Variants in DTWD2 observed in about 807,000 individuals in gnomAD.
DTWD2 encodes tRNA-uridine aminocarboxypropyltransferase 2.
A neutral mutation model predicts 31.8 loss-of-function variants in DTWD2; 39 were observed. The observed-to-expected ratio is 1.22, with a 90% confidence interval of 0.95 to 1.60. The LOEUF is 1.60. DTWD2 is among the 40% of genes most tolerant of loss of function. The pLI, the probability that DTWD2 is intolerant of heterozygous loss-of-function variation, is 0.00. For synonymous variants in DTWD2, 180 were observed against 142.8 expected, an observed-to-expected ratio of 1.26 and a Z score of -1.86; for missense variants, 515 against 381.5, an observed-to-expected ratio of 1.35 and a Z score of -2.92.
chr5:118,973,160 G>T (rs903729555), intron 1 of DTWD2, among the ~76,000 whole-genome samples: 2 of 150,666 alleles, frequency 1.3e-5, no homozygotes, highest in Admixed American at 6.6e-5. Context: ...TTGCACGTGA[G>T]ATGGGTCTTC....
chr5:118,931,312 T>C (rs576941894), intron 3 of DTWD2, among the ~76,000 whole-genome samples: 1 of 151,538 alleles, frequency 6.6e-6, no homozygotes, highest in Admixed American at 6.6e-5. Context: ...GGAGAATCGC[T>C]TGAGCCTGGG....
At position 118,848,189 on chromosome 5, in the gene DTWD2, C is replaced by G; in HGVS notation, c.627G>C (p.Gln209His). 2 of 1,605,872 alleles carry G rather than the reference C, an allele frequency of 1.2e-6. No individual in the cohort carries two copies. Among genetic ancestry groups the G allele is most frequent in the Non-Finnish European group, 1.7e-6 (2 of 1,176,510 alleles). The change falls in exon 5 of 6, where the codon CAG becomes CAC. Residue 209 changes from glutamine to histidine, a missense_variant. By Grantham distance (24) the Gln-to-His change is conservative (BLOSUM62 0). Transcript: ENST00000510708. ...TAGTCGGCTGCATCCGAATTACATA[C>G]TGACTAGAAATGCTAGTTTTTAATT... ...QVQLKTSISS[Q>H]YVIRMQPTNR...
intron 5 of DTWD2, among the ~76,000 whole-genome samples, chr5:118,845,870 G>C (rs1751840687): frequency 6.6e-6 from 1 of 152,014 alleles, no homozygotes; most frequent in Non-Finnish European, 1.5e-5. Flanking sequence ...TTGTTTTTAA[G>C]ATATCACATC....
At chr5:118,911,855 C>A (rs1219305749) in intron 4 of DTWD2, among the ~76,000 whole-genome samples, 1 of 152,170 alleles carries the variant, frequency 6.6e-6, no homozygotes, top group East Asian at 1.9e-4. Flanking sequence ...GCAAGATGGC[C>A]ATCAGCAACT....
chr5:118,875,562 T>TG (rs1429959356), intron 4 of DTWD2, among the ~76,000 whole-genome samples: 2 of 61,982 alleles, frequency 3.2e-5, no homozygotes, highest in East Asian at 4.8e-4. Context: ...TCCTAGTTTC[T>TG]GAAAAAAAAA....
rs1751620527 is a variant in DTWD2 at position 118,838,275 on chromosome 5, TC to T, written c.*2641del. ...CTTTATGTATGAGGAAATACTATTCTCTGAGTTACACGGTTCAAATAACTCA... is the reference window on the plus strand; with the variant it reads ...CTTTATGTATGAGGAAATACTATTCTTGAGTTACACGGTTCAAATAACTCA... On this transcript the variant is annotated 3_prime_UTR_variant, in exon 6 of 6. Transcript: ENST00000510708. 6.6e-6 allele frequency: 1 copy of T among 152,100 alleles called. No homozygotes were observed. Among genetic ancestry groups the T allele is most frequent in the Non-Finnish European group, 1.5e-5 (1 of 68,008 alleles). 9.4% of individuals were successfully genotyped at this position (152,100 alleles called of 1,614,324 possible). A position where few individuals can be genotyped will look rare whatever the true frequency, so the allele number is the denominator to read the frequency against.
At chr5:118,868,387 G>C (rs546862941) in intron 4 of DTWD2, among the ~76,000 whole-genome samples, 2 of 151,720 alleles carry the variant, frequency 1.3e-5, no homozygotes. Flanking sequence ...CAAACGTACC[G>C]GCAACAACAA....
intron 4 of DTWD2, among the ~76,000 whole-genome samples, chr5:118,871,288 T>C (rs117218361): frequency 2.0e-5 from 3 of 152,082 alleles, no homozygotes; most frequent in Non-Finnish European, 4.4e-5. Context: ...TCCACGAGAG[T>C]TGGAATCAAC....
chr5:118,902,146 T>C (rs890117535), intron 4 of DTWD2, among the ~76,000 whole-genome samples: 1 of 152,148 alleles, frequency 6.6e-6, no homozygotes, highest in Non-Finnish European at 1.5e-5. Flanking sequence ...AAATAAGTTA[T>C]GAAAATATAA....
intron 4 of DTWD2, among the ~76,000 whole-genome samples, chr5:118,907,888 C>T (rs1753370026): frequency 6.6e-6 from 1 of 152,146 alleles, no homozygotes; most frequent in Non-Finnish European, 1.5e-5. Context: ...CATATTATGG[C>T]AGACAATCTG....
intron 1 of DTWD2, among the ~76,000 whole-genome samples, chr5:118,981,947 T>C (rs1275675386): frequency 6.6e-6 from 1 of 152,188 alleles, no homozygotes; most frequent in Non-Finnish European, 1.5e-5. Flanking sequence ...TGTTCATTAT[T>C]ATGTGGTGTA....
At chr5:118,969,420 C>T (rs1171336100) in intron 1 of DTWD2, among the ~76,000 whole-genome samples, 2 of 152,196 alleles carry the variant, frequency 1.3e-5, no homozygotes, top group Non-Finnish European at 2.9e-5. Context: ...TCTACAGGAG[C>T]ATTCAGGCCA....
At chr5:118,859,601 CATTT>C (rs1300814192) in intron 4 of DTWD2, among the ~76,000 whole-genome samples, 3 of 152,004 alleles carry the variant, frequency 2.0e-5, no homozygotes, top group Admixed American at 6.6e-5. Context: ...TAATTAGGTT[CATTT>C]GTTTCCTTTT....
At chr5:118,925,569 G>C (rs1753791456) in intron 4 of DTWD2, among the ~76,000 whole-genome samples, 1 of 152,216 alleles carries the variant, frequency 6.6e-6, no homozygotes, top group South Asian at 2.1e-4. Context: ...AAGTAGGCCA[G>C]GCACGGTGGC....
intron 1 of DTWD2, among the ~76,000 whole-genome samples, chr5:118,976,073 C>T (rs1224934212): frequency 6.6e-5 from 10 of 152,184 alleles, no homozygotes; most frequent in Admixed American, 1.3e-4. Context: ...AACTGAACAA[C>T]CTGCTCCTGA....
At chr5:118,872,527 T>C (rs889136750) in intron 4 of DTWD2, among the ~76,000 whole-genome samples, 9 of 152,126 alleles carry the variant, frequency 5.9e-5, no homozygotes, top group African/African-American at 2.2e-4. Flanking sequence ...TAGGACAGCC[T>C]GAGAAGAGGA....
At chr5:118,949,079 G>A (rs772835822) in intron 1 of DTWD2, among the ~76,000 whole-genome samples, 16 of 152,048 alleles carry the variant, frequency 1.1e-4, no homozygotes, top group Non-Finnish European at 2.1e-4. Flanking sequence ...AGGAGGATAC[G>A]CGATATTCTT....
chr5:118,945,770 AAAAAAAAG>A (rs1561466142), intron 1 of DTWD2, among the ~76,000 whole-genome samples: 3 of 123,074 alleles, frequency 2.4e-5, no homozygotes, highest in African/African-American at 1.0e-4. Context: ...AACTCAAAAA[AAAAAAAAG>A]AAAGAAAGAA....
chr5:118,987,395 T>C (rs995995173), intron 1 of DTWD2, among the ~76,000 whole-genome samples: 3 of 152,184 alleles, frequency 2.0e-5, no homozygotes, highest in Non-Finnish European at 2.9e-5. Flanking sequence ...ATGTCCAAAG[T>C]GTGATACTCC....
Sources: allele counts gnomAD v4.1 joint callset (sites outside exome capture counted in the v4.1 genomes callset), GRCh38; gene constraint gnomAD v4.1.1; transcripts MANE v1.5; gene names NCBI Gene and HGNC (gene_info 2026-07-23, HGNC 2026-07-21).